KLHL4: variants seen among roughly 807,000 people sequenced by gnomAD.
KLHL4 encodes the protein kelch-like protein 4.
KLHL4 carries 17 observed loss-of-function variants against 45.8 expected under a neutral mutation model. That is an observed-to-expected ratio of 0.37 (90% CI 0.25 to 0.56). The LOEUF is 0.56. KLHL4 is among the 20% of genes least tolerant of loss of function. The pLI is 0.79. For synonymous variants in KLHL4, 224 were observed against 189.9 expected (o/e 1.18, Z -1.47); for missense variants, 544 against 544.9 (o/e 1.00, Z 0.02).
At chrX:87,623,295 T>C (rs1441035665) in intron 5 of KLHL4, among the ~76,000 whole-genome samples, 5 of 85,274 alleles carry the variant, frequency 5.9e-5, no homozygotes, top group Admixed American at 5.2e-4. Flanking sequence ...TTTCTTTTTT[T>C]TTTTTTTTTT....
intron 9 of KLHL4, among the ~76,000 whole-genome samples, chrX:87,636,024 A>T (rs1923254341): frequency 9.0e-6 from 1 of 110,926 alleles, no homozygotes; most frequent in East Asian, 2.9e-4. Flanking sequence ...TTAATTTTTT[A>T]TTTTTATTTT....
chrX:87,643,051 C>T (rs747590127), intron 9 of KLHL4, among the ~76,000 whole-genome samples: 11 of 111,282 alleles, frequency 9.9e-5, no homozygotes, highest in African/African-American at 3.6e-4. Context: ...ACAAAAACAC[C>T]TGGAAATTTT....
chrX:87,580,565 G>C (rs1921242225), intron 1 of KLHL4, among the ~76,000 whole-genome samples: 2 of 110,902 alleles, frequency 1.8e-5, no homozygotes, highest in Admixed American at 9.6e-5. Context: ...AAAATAGGGA[G>C]CTATACTTCC....
intron 9 of KLHL4, among the ~76,000 whole-genome samples, chrX:87,649,091 TAC>T (rs1260273152): frequency 9.0e-6 from 1 of 111,628 alleles, no homozygotes; most frequent in African/African-American, 3.2e-5. Flanking sequence ...TAGTGACATA[TAC>T]ACACTGTTTT....
intron 1 of KLHL4, among the ~76,000 whole-genome samples, chrX:87,531,603 C>A (rs1232111134): frequency 9.4e-6 from 1 of 106,507 alleles, no homozygotes; most frequent in Non-Finnish European, 1.9e-5. Flanking sequence ...AGCCCAAAAT[C>A]TCCTTAAGCT....
At chrX:87,664,966 A>G in intron 10 of KLHL4, 31 bp downstream of exon 10, 1 of 945,662 alleles carries the variant, frequency 1.1e-6, no homozygotes, top group Non-Finnish European at 1.5e-6. Context: ...AAATTACTAT[A>G]TTTCAGGTTT....
intron 1 of KLHL4, among the ~76,000 whole-genome samples, chrX:87,587,335 G>A (rs1253884194): frequency 2.7e-5 from 3 of 110,088 alleles, no homozygotes; most frequent in Non-Finnish European, 5.7e-5. Flanking sequence ...AACAAAAACA[G>A]ATCAATAAAA....
chrX:87,576,856 AC>A (rs1263351210), intron 1 of KLHL4, among the ~76,000 whole-genome samples: 1 of 111,903 alleles, frequency 8.9e-6, no homozygotes, highest in Non-Finnish European at 1.9e-5. Context: ...AAAAATACTT[AC>A]CAAATATATA....
intron 9 of KLHL4, among the ~76,000 whole-genome samples, chrX:87,658,495 A>C (rs1191280134): frequency 9.0e-6 from 1 of 111,118 alleles, no homozygotes. Flanking sequence ...TCCCAACATC[A>C]GATTCAGCGA....
At chrX:87,634,921 G>A (rs1183706155) in intron 8 of KLHL4, among the ~76,000 whole-genome samples, 1 of 111,105 alleles carries the variant, frequency 9.0e-6, no homozygotes, top group African/African-American at 3.3e-5. Flanking sequence ...ATAGGAATAT[G>A]GATTAATAAA....
At chrX:87,634,010 TGGA>T in intron 8 of KLHL4, 99 bp downstream of exon 8, 2 of 643,444 alleles carry the variant, frequency 3.1e-6, no homozygotes, top group East Asian at 6.9e-5. Flanking sequence ...CCAAATAACC[TGGA>T]TGTACTTGTT....
intron 1 of KLHL4, among the ~76,000 whole-genome samples, chrX:87,537,772 A>C (rs1364122918): frequency 9.0e-6 from 1 of 111,353 alleles, no homozygotes; most frequent in Non-Finnish European, 1.9e-5. Flanking sequence ...TTTGATAAAA[A>C]CTAAGATCAC....
intron 9 of KLHL4, among the ~76,000 whole-genome samples, chrX:87,653,180 C>T (rs1454045369): frequency 9.0e-6 from 1 of 111,545 alleles, no homozygotes; most frequent in Non-Finnish European, 1.9e-5. Flanking sequence ...TGGACATAGC[C>T]AAACCATGTC....
intron 1 of KLHL4, among the ~76,000 whole-genome samples, chrX:87,556,810 T>C (rs1279801755): frequency 1.8e-5 from 2 of 111,707 alleles, no homozygotes; most frequent in East Asian, 5.7e-4. Flanking sequence ...GTTTTCTCTT[T>C]TCCTAGTCAG....
chrX:87,560,591 C>G (rs1489014465), intron 1 of KLHL4, among the ~76,000 whole-genome samples: 2 of 110,930 alleles, frequency 1.8e-5, no homozygotes, highest in East Asian at 5.7e-4. Context: ...ATTTTATACC[C>G]AATTAATAGC....
chrX:87,549,937 A>G (rs1194914364), intron 1 of KLHL4, among the ~76,000 whole-genome samples: 1 of 111,775 alleles, frequency 8.9e-6, no homozygotes, highest in Non-Finnish European at 1.9e-5. Flanking sequence ...TAACATTGAA[A>G]TGAAGAAAAC....
intron 1 of KLHL4, among the ~76,000 whole-genome samples, chrX:87,584,941 C>A (rs1249906872): frequency 2.8e-5 from 3 of 107,656 alleles, no homozygotes; most frequent in Non-Finnish European, 5.8e-5. Context: ...ATGAAACTTC[C>A]AAAGGTTAAG....
chrX:87,622,570 G>A (rs761434131), intron 5 of KLHL4, 147 bp downstream of exon 5: 29 of 381,756 alleles, frequency 7.6e-5, no homozygotes, highest in South Asian at 5.7e-4. Flanking sequence ...AACATATTCA[G>A]CCATCAATTA....
At chrX:87,587,145 T>C (rs376926074) in intron 1 of KLHL4, among the ~76,000 whole-genome samples, 1 of 9,425 alleles carries the variant, frequency 1.1e-4, no homozygotes, top group Non-Finnish European at 1.9e-4. Context: ...CTCCATAAAA[T>C]AAAGCAAAAA....
Sources: gnomAD v4.1 joint callset for allele counts (sites outside exome capture counted in the v4.1 genomes callset) on GRCh38, gnomAD v4.1.1 for gene constraint, MANE v1.5 for transcripts, NCBI Gene and HGNC (gene_info 2026-07-23, HGNC 2026-07-21) for gene names.